Variants in RGL1 observed in about 807,000 individuals in gnomAD.
The protein encoded by RGL1 is ral guanine nucleotide dissociation stimulator-like 1.
Under a neutral mutation model 95.2 loss-of-function variants are expected in RGL1, and 24 were observed. That is an observed-to-expected ratio of 0.25 (90% CI 0.18 to 0.35). The LOEUF is 0.35. Among genes scored for constraint, RGL1 ranks in the 10% least tolerant of loss-of-function variants. The pLI, the probability that RGL1 is intolerant of heterozygous loss-of-function variation, is 1.00. For synonymous variants in RGL1, 329 were observed against 344.9 expected (o/e 0.95, Z 0.51); for missense variants, 715 against 936.3 (o/e 0.76, Z 3.08).
chr1:183,690,017 G>C (rs981095276), intron 1 of RGL1, among the ~76,000 whole-genome samples: 1 of 152,198 alleles, frequency 6.6e-6, no homozygotes, highest in African/African-American at 2.4e-5. Flanking sequence ...GAGGAAGTTA[G>C]AAAAGTTAGA....
At chr1:183,884,982 AG>A in intron 7 of RGL1, 44 bp downstream of exon 7, 3 of 1,518,992 alleles carry the variant, frequency 2.0e-6, no homozygotes, top group Non-Finnish European at 9.1e-7. Flanking sequence ...GGTAGATGCA[AG>A]AGACTGCTCC....
chr1:183,925,131 A>G (rs890925703), intron 17 of RGL1, among the ~76,000 whole-genome samples: 26 of 152,326 alleles, frequency 1.7e-4, no homozygotes, highest in Admixed American at 5.2e-4. Flanking sequence ...TAAATATTAA[A>G]AGAAGGGGAT....
intron 3 of RGL1, among the ~76,000 whole-genome samples, chr1:183,858,651 G>GT (rs1199940899): frequency 6.6e-6 from 1 of 152,068 alleles, no homozygotes; most frequent in Admixed American, 6.5e-5. Flanking sequence ...AGTTAATTTT[G>GT]TTTTTCATAT....
intron 2 of RGL1, among the ~76,000 whole-genome samples, chr1:183,799,766 T>A (rs1172577298): frequency 6.6e-6 from 1 of 152,228 alleles, no homozygotes; most frequent in Non-Finnish European, 1.5e-5. Flanking sequence ...CGAAGTACAG[T>A]GTCCATTATA....
intron 1 of RGL1, among the ~76,000 whole-genome samples, chr1:183,683,944 C>G (rs184672256): frequency 6.6e-5 from 10 of 151,992 alleles, no homozygotes; most frequent in Admixed American, 6.6e-4. Context: ...TCCTTTCTTC[C>G]GCTTGTTCAA....
intron 16 of RGL1, 31 bp from the exon 17 acceptor site, chr1:183,922,191 T>A (rs1669343062): frequency 1.9e-6 from 3 of 1,573,380 alleles, no homozygotes; most frequent in Non-Finnish European, 2.6e-6. Flanking sequence ...TGAAGCTAAG[T>A]ACTTTACAAA....
chr1:183,645,634 C>T lies in RGL1; in HGVS notation c.-33+9133C>T, dbSNP rs530187577. Among the ~76,000 whole-genome samples the T allele has an allele frequency of 1.2e-4, 18 of 152,324 alleles. No individual in the cohort carries two copies. In the East Asian group the frequency reaches 1.9e-3, roughly 16 times the overall value. The stretch of plus-strand genomic sequence containing the variant: ...AGCCTGATATGACCAAGAATCACTG[C>T]GTAGTGAGCAAGGAAAGCTAATCAC... On this transcript the variant is annotated intron_variant, in intron 1 of 18. Transcript: ENST00000304685.
At chr1:183,657,858 A>G (rs980084279) in intron 1 of RGL1, among the ~76,000 whole-genome samples, 1 of 152,026 alleles carries the variant, frequency 6.6e-6, no homozygotes, top group Non-Finnish European at 1.5e-5. Context: ...TCCCTGAGGA[A>G]TCGCCACACT....
chr1:183,642,222 C>CTA lies in RGL1; in HGVS notation c.-33+5722_-33+5723insAT, dbSNP rs573561851. The stretch of plus-strand genomic sequence containing the variant: ...CATATTTTATTAGTAATAGCAACCA[C>CTA]TTAATACGTTTATTGTGTGTCAGAC... On this transcript the variant is annotated intron_variant, in intron 1 of 18. Transcript: ENST00000304685. Among the ~76,000 whole-genome samples the CTA allele has an allele frequency of 1.9e-3, 287 of 152,306 alleles. 6 individuals carry two copies. In the East Asian group the frequency reaches 0.043, roughly 23 times the overall value.
chr1:183,648,688 G>A, intron 1 of RGL1: 6 of 1,614,176 alleles, frequency 3.7e-6, no homozygotes, highest in Non-Finnish European at 5.1e-6. Context: ...ATATGGTAAG[G>A]ACAATTAGAG....
chr1:183,895,634 T>TAC (rs1410435929), intron 9 of RGL1, among the ~76,000 whole-genome samples: 1 of 152,108 alleles, frequency 6.6e-6, no homozygotes, highest in Non-Finnish European at 1.5e-5. Context: ...GAATGAGTGA[T>TAC]ACAGTCACAA....
chr1:183,878,066 A>G (rs983868635), intron 4 of RGL1, among the ~76,000 whole-genome samples: 1 of 152,218 alleles, frequency 6.6e-6, no homozygotes, highest in Non-Finnish European at 1.5e-5. Context: ...TGTCCACATC[A>G]TGAGAAACAA....
chr1:183,782,245 A>G (rs929102111), intron 2 of RGL1, among the ~76,000 whole-genome samples: 10 of 152,178 alleles, frequency 6.6e-5, no homozygotes, highest in African/African-American at 2.2e-4. Context: ...TTACTATTCC[A>G]TCTCCACCCA....
At chr1:183,699,108 T>C (rs1654432937) in intron 1 of RGL1, among the ~76,000 whole-genome samples, 1 of 152,232 alleles carries the variant, frequency 6.6e-6, no homozygotes, top group East Asian at 1.9e-4. Flanking sequence ...TATCTGACAA[T>C]GGTACCAATA....
chr1:183,903,345 C>G (rs1378077661), intron 12 of RGL1, among the ~76,000 whole-genome samples: 1 of 152,132 alleles, frequency 6.6e-6, no homozygotes, highest in African/African-American at 2.4e-5. Flanking sequence ...ATCAATTTCA[C>G]TCTTCCTGTG....
intron 3 of RGL1, among the ~76,000 whole-genome samples, chr1:183,849,199 C>A (rs1162952280): frequency 6.6e-6 from 1 of 152,094 alleles, no homozygotes; most frequent in African/African-American, 2.4e-5. Flanking sequence ...AAGAGATCAG[C>A]CTCAGCCTCC....
At chr1:183,643,258 GTTTTTTTATTTATTTATTTATTTA>G (rs1417879176) in intron 1 of RGL1, among the ~76,000 whole-genome samples, 3 of 142,978 alleles carry the variant, frequency 2.1e-5, no homozygotes, top group Non-Finnish European at 4.6e-5. Context: ...TTGAGGTCCT[GTTTTTTTATTTATTTATTTATTTA>G]TTTATTTATT....
chr1:183,862,178 C>T (rs1349498668), intron 3 of RGL1, among the ~76,000 whole-genome samples: 2 of 151,818 alleles, frequency 1.3e-5, no homozygotes, highest in African/African-American at 2.4e-5. Context: ...CTCGTCTCTA[C>T]AAAAAATAAA....
intron 2 of RGL1, among the ~76,000 whole-genome samples, chr1:183,780,511 T>TCC (rs1271718160): frequency 6.6e-6 from 1 of 152,208 alleles, no homozygotes; most frequent in African/African-American, 2.4e-5. Context: ...CCTGCCCTCT[T>TCC]CTGCCCCAGC....
Sources: gnomAD v4.1 joint callset for allele counts (sites outside exome capture counted in the v4.1 genomes callset) on GRCh38, gnomAD v4.1.1 for gene constraint, MANE v1.5 for transcripts, NCBI Gene and HGNC (gene_info 2026-07-23, HGNC 2026-07-21) for gene names.